The following ARHGAP15 variants were observed in gnomAD, a reference collection of about 807,000 sequenced individuals.
ARHGAP15 encodes the protein rho GTPase-activating protein 15.
In ARHGAP15, 51 loss-of-function variants were observed where a neutral mutation model predicts 63.7. The ratio of observed to expected loss-of-function variants is 0.80; its 90% confidence interval spans 0.64 to 1.01. The LOEUF (loss-of-function observed/expected upper bound fraction) is 1.01. ARHGAP15 is among the 50% of genes least tolerant of loss of function. The pLI is 0.00. For synonymous variants in ARHGAP15, 191 were observed against 193.8 expected, an observed-to-expected ratio of 0.99 and a Z score of 0.12; for missense variants, 560 against 564.6, an observed-to-expected ratio of 0.99 and a Z score of 0.08.
At chr2:143,658,501 T>C (rs1269658342) in intron 12 of ARHGAP15, among the ~76,000 whole-genome samples, 1 of 152,198 alleles carries the variant, frequency 6.6e-6, no homozygotes, top group Non-Finnish European at 1.5e-5. Flanking sequence ...TTAGCTGTAA[T>C]TGACAGAAAA....
intron 6 of ARHGAP15, among the ~76,000 whole-genome samples, chr2:143,325,352 C>T (rs974972014): frequency 1.3e-5 from 2 of 152,062 alleles, no homozygotes; most frequent in Middle Eastern, 3.2e-3. Flanking sequence ...TATAAATCCT[C>T]TTTTTTAATA....
chr2:143,570,581 G>A (rs1696409668), intron 11 of ARHGAP15, among the ~76,000 whole-genome samples: 1 of 152,290 alleles, frequency 6.6e-6, no homozygotes, highest in South Asian at 2.1e-4. Flanking sequence ...TAAAGAAGGT[G>A]AGGAATTTGG....
chr2:143,509,360 C>T (rs1693474670), intron 9 of ARHGAP15, among the ~76,000 whole-genome samples: 1 of 150,696 alleles, frequency 6.6e-6, no homozygotes, highest in Admixed American at 6.6e-5. Flanking sequence ...GTAAACAAGG[C>T]AATGAGAGAG....
chr2:143,572,257 T>C (rs1696491188), intron 11 of ARHGAP15, among the ~76,000 whole-genome samples: 1 of 152,168 alleles, frequency 6.6e-6, no homozygotes, highest in Non-Finnish European at 1.5e-5. Context: ...CACAAAGATC[T>C]ACCTGGCTTA....
intron 11 of ARHGAP15, among the ~76,000 whole-genome samples, chr2:143,617,259 G>C (rs1420315739): frequency 6.6e-6 from 1 of 152,188 alleles, no homozygotes; most frequent in Non-Finnish European, 1.5e-5. Flanking sequence ...TTGAGAAGAT[G>C]TATAGGTATG....
chr2:143,641,793 T>G (rs1559097448), intron 12 of ARHGAP15, among the ~76,000 whole-genome samples: 1 of 152,152 alleles, frequency 6.6e-6, no homozygotes, highest in Non-Finnish European at 1.5e-5. Flanking sequence ...GAAGGACTTT[T>G]GGCTATATTT....
At chr2:143,339,282 AG>A (rs1185999435) in intron 6 of ARHGAP15, among the ~76,000 whole-genome samples, 1 of 152,126 alleles carries the variant, frequency 6.6e-6, no homozygotes. Flanking sequence ...CCTTTGGGCA[AG>A]TCTCTTTTCT....
At chr2:143,530,219 A>G (rs1275637970) in intron 10 of ARHGAP15, among the ~76,000 whole-genome samples, 10 of 152,122 alleles carry the variant, frequency 6.6e-5, no homozygotes, top group Non-Finnish European at 1.3e-4. Flanking sequence ...AAGTGAAAGT[A>G]AGGGTTTTGT....
chr2:143,577,569 A>G (rs1157661203), intron 11 of ARHGAP15, among the ~76,000 whole-genome samples: 2 of 152,104 alleles, frequency 1.3e-5, no homozygotes, highest in Non-Finnish European at 2.9e-5. Flanking sequence ...TCTCCTCCCC[A>G]TTAGCTTCAT....
At chr2:143,467,687 A>T (rs908335640) in intron 8 of ARHGAP15, among the ~76,000 whole-genome samples, 7 of 152,098 alleles carry the variant, frequency 4.6e-5, no homozygotes, top group Non-Finnish European at 8.8e-5. Context: ...TAACTTCTCC[A>T]TTTAGGCTTA....
chr2:143,434,910 C>T (rs755586094), intron 6 of ARHGAP15, among the ~76,000 whole-genome samples: 1 of 152,078 alleles, frequency 6.6e-6, no homozygotes, highest in Admixed American at 6.6e-5. Context: ...GACAGTTACA[C>T]GCTAAATATT....
At chr2:143,451,508 G>A (rs11894351) in intron 8 of ARHGAP15, among the ~76,000 whole-genome samples, 14,470 of 151,608 alleles carry the variant, frequency 0.095, 868 homozygotes, top group African/African-American at 0.17. Flanking sequence ...CCAAATCCCA[G>A]GATAGTTTCA....
intron 13 of ARHGAP15, among the ~76,000 whole-genome samples, chr2:143,751,037 C>G (rs1164372078): frequency 6.6e-6 from 1 of 152,190 alleles, no homozygotes; most frequent in Non-Finnish European, 1.5e-5. Flanking sequence ...ACTTCTCTGA[C>G]TCCCCAGAGC....
At chr2:143,540,706 C>T (rs968948754) in intron 10 of ARHGAP15, among the ~76,000 whole-genome samples, 1 of 152,154 alleles carries the variant, frequency 6.6e-6, no homozygotes, top group Non-Finnish European at 1.5e-5. Context: ...GTATTGGCCC[C>T]CACTCTCTTC....
intron 5 of ARHGAP15, among the ~76,000 whole-genome samples, chr2:143,229,881 C>A (rs958350732): frequency 1.1e-3 from 167 of 152,256 alleles, no homozygotes; most frequent in African/African-American, 3.9e-3. Context: ...AAGTGGCTTG[C>A]TGATTTTGGA....
At chr2:143,487,252 G>T in intron 8 of ARHGAP15, 121 bp from the exon 9 acceptor site, 1 of 1,155,560 alleles carries the variant, frequency 8.7e-7, no homozygotes, top group Non-Finnish European at 1.2e-6. Flanking sequence ...GTAGACAGAA[G>T]AGCCTGAGCT....
intron 12 of ARHGAP15, among the ~76,000 whole-genome samples, chr2:143,630,160 A>T (rs1293871516): frequency 6.6e-6 from 1 of 152,096 alleles, no homozygotes; most frequent in African/African-American, 2.4e-5. Context: ...GTTAGAAATA[A>T]AGTAGAACTT....
At chr2:143,648,251 G>T (rs527607763) in intron 12 of ARHGAP15, among the ~76,000 whole-genome samples, 2 of 151,978 alleles carry the variant, frequency 1.3e-5, no homozygotes, top group African/African-American at 2.4e-5. Flanking sequence ...GTTACTGTGC[G>T]GCCACCACTG....
At chr2:143,356,399 G>A (rs903700771) in intron 6 of ARHGAP15, among the ~76,000 whole-genome samples, 1 of 151,878 alleles carries the variant, frequency 6.6e-6, no homozygotes, top group Non-Finnish European at 1.5e-5. Context: ...GCAACATGAA[G>A]GCACCACCCC....
Sources: allele counts gnomAD v4.1 joint callset (sites outside exome capture counted in the v4.1 genomes callset), GRCh38; gene constraint gnomAD v4.1.1; transcripts MANE v1.5; gene names NCBI Gene and HGNC (gene_info 2026-07-23, HGNC 2026-07-21).